AKAP6: variants seen among roughly 807,000 people sequenced by gnomAD.
The protein encoded by AKAP6 is A-kinase anchoring protein 6, also known as A-kinase anchor protein 6.
AKAP6 carries 58 observed loss-of-function variants against 188.5 expected under a neutral mutation model. The observed-to-expected ratio is 0.31, with a 90% CI of 0.25 to 0.38. The LOEUF (loss-of-function observed/expected upper bound fraction) is 0.38. Among genes scored for constraint, AKAP6 ranks in the 10% least tolerant of loss-of-function variants. The pLI, the probability that AKAP6 is intolerant of heterozygous loss-of-function variation, is 1.00. For synonymous variants in AKAP6, 989 were observed against 998.6 expected, an observed-to-expected ratio of 0.99 and a Z score of 0.18; for missense variants, 2,710 against 2,740.0, an observed-to-expected ratio of 0.99 and a Z score of 0.24.
chr14:32,453,600 TTTTTTTTTTTTTTTG>T (rs1891013828), intron 2 of AKAP6, among the ~76,000 whole-genome samples: 3 of 32,490 alleles, frequency 9.2e-5, no homozygotes, highest in South Asian at 1.0e-3. Flanking sequence ...TTTTTTTTTT[TTTTTTTTTTTTTTTG>T]AGACGGAGTC....
At chr14:32,753,780 A>T (rs905850138) in intron 11 of AKAP6, among the ~76,000 whole-genome samples, 7 of 151,900 alleles carry the variant, frequency 4.6e-5, no homozygotes, top group Non-Finnish European at 7.4e-5. Flanking sequence ...AGAGATTGTT[A>T]TTTTCCCATG....
intron 12 of AKAP6, among the ~76,000 whole-genome samples, chr14:32,808,665 C>A (rs7158720): frequency 0.21 from 31,722 of 152,162 alleles, 3,472 homozygotes; most frequent in African/African-American, 0.25. Context: ...TCCAATTTTC[C>A]AAAAGCAATT....
At chr14:32,605,209 A>T (rs1886083891) in intron 7 of AKAP6, among the ~76,000 whole-genome samples, 1 of 152,234 alleles carries the variant, frequency 6.6e-6, no homozygotes, top group Admixed American at 6.5e-5. Flanking sequence ...TGATAGAGAT[A>T]GGAACAAAGT....
intron 1 of AKAP6, among the ~76,000 whole-genome samples, chr14:32,381,340 A>T (rs1423692130): frequency 6.6e-6 from 1 of 152,118 alleles, no homozygotes; most frequent in Non-Finnish European, 1.5e-5. Context: ...ACCCCATCTC[A>T]AATAAAAAAA....
At chr14:32,395,678 G>A (rs1399331237) in intron 1 of AKAP6, among the ~76,000 whole-genome samples, 1 of 152,088 alleles carries the variant, frequency 6.6e-6, no homozygotes, top group African/African-American at 2.4e-5. Flanking sequence ...TGATGTCTAA[G>A]GATTATCTAA....
chr14:32,733,574 C>T (rs2031283558), intron 10 of AKAP6: 1 of 152,016 alleles, frequency 6.6e-6, no homozygotes, highest in African/African-American at 2.4e-5. Context: ...GGAGGAATGC[C>T]AGTATTCTGT....
At chr14:32,592,611 A>T (rs1283002683) in intron 5 of AKAP6, among the ~76,000 whole-genome samples, 2 of 152,160 alleles carry the variant, frequency 1.3e-5, no homozygotes, top group Non-Finnish European at 2.9e-5. Context: ...AGGGCCCTGT[A>T]GGTCATGCTC....
chr14:32,474,477 A>T (rs1878954317), intron 2 of AKAP6: 1 of 151,770 alleles, frequency 6.6e-6, no homozygotes, highest in African/African-American at 2.4e-5. Context: ...ACATCTGTAT[A>T]CAAGCAAGTT....
intron 2 of AKAP6, among the ~76,000 whole-genome samples, chr14:32,477,527 G>T (rs911092075): frequency 1.8e-4 from 28 of 152,264 alleles, no homozygotes; most frequent in African/African-American, 6.7e-4. Flanking sequence ...AGGCTGGCAG[G>T]TTGGAGCTCA....
At chr14:32,727,392 GT>G (rs2030925151) in intron 9 of AKAP6, among the ~76,000 whole-genome samples, 1 of 152,108 alleles carries the variant, frequency 6.6e-6, no homozygotes, top group Non-Finnish European at 1.5e-5. Flanking sequence ...AAGTTGCCAG[GT>G]CTCCTACTTA....
At chr14:32,785,726 G>C (rs77577888) in intron 12 of AKAP6, among the ~76,000 whole-genome samples, 8,921 of 145,822 alleles carry the variant, frequency 0.061, 409 homozygotes, top group Middle Eastern at 0.1. Context: ...GAAAGATCTT[G>C]TACAGGACAA....
intron 9 of AKAP6, among the ~76,000 whole-genome samples, chr14:32,729,274 CA>C (rs933279096): frequency 7.3e-5 from 11 of 149,890 alleles, no homozygotes; most frequent in Admixed American, 2.0e-4. Context: ...TGATTTCTAA[CA>C]AAAAAAAAGG....
intron 10 of AKAP6, among the ~76,000 whole-genome samples, chr14:32,735,117 G>A (rs2031354228): frequency 6.6e-6 from 1 of 152,066 alleles, no homozygotes; most frequent in African/African-American, 2.4e-5. Flanking sequence ...TCACCAAGGA[G>A]GCTTCCTTTT....
At chr14:32,588,885 TA>T in intron 5 of AKAP6, among the ~76,000 whole-genome samples, 1 of 152,352 alleles carries the variant, frequency 6.6e-6, no homozygotes, top group Middle Eastern at 3.4e-3. Flanking sequence ...GTTTGTCTCA[TA>T]AGAAAAACCA....
intron 11 of AKAP6, among the ~76,000 whole-genome samples, chr14:32,766,432 T>G (rs1240946936): frequency 6.6e-6 from 1 of 152,154 alleles, no homozygotes; most frequent in African/African-American, 2.4e-5. Flanking sequence ...GGAAATGTCA[T>G]ACTGTTTTTT....
At chr14:32,717,094 C>G (rs775268049) in intron 9 of AKAP6, among the ~76,000 whole-genome samples, 1 of 152,078 alleles carries the variant, frequency 6.6e-6, no homozygotes, top group Non-Finnish European at 1.5e-5. Context: ...TGGCAAGCCA[C>G]CAAGAGAACA....
intron 12 of AKAP6, among the ~76,000 whole-genome samples, chr14:32,812,922 G>GT (rs978004334): frequency 9.2e-5 from 14 of 152,090 alleles, no homozygotes; most frequent in Admixed American, 7.2e-4. Context: ...AATGTGTGGG[G>GT]TTTTTTTACA....
rs560379002 is a variant in AKAP6, at chr14:32,498,288, A to C, written c.325-37266A>C. On this transcript the variant is annotated intron_variant, in intron 2 of 13. Transcript: ENST00000280979. Reference sequence around the variant, plus strand: ...GGCTTCACTGGTGCATGCTGGCTGAATATCAGTCCTGAATATATAACAATT... The same window carrying C: ...GGCTTCACTGGTGCATGCTGGCTGACTATCAGTCCTGAATATATAACAATT... 3.9e-5 allele frequency among the ~76,000 whole-genome samples: 6 copies of C among 152,260 alleles called. No individual in the cohort carries two copies. The South Asian group carries it at 1.2e-3, about 32-fold the overall frequency.
At chr14:32,415,185 A>G (rs562763832) in intron 1 of AKAP6, among the ~76,000 whole-genome samples, 1 of 152,288 alleles carries the variant, frequency 6.6e-6, no homozygotes, top group East Asian at 1.9e-4. Context: ...CTTTAAGCCA[A>G]TGGATGATGT....
Sources: gnomAD v4.1 joint callset for allele counts (sites outside exome capture counted in the v4.1 genomes callset) on GRCh38, gnomAD v4.1.1 for gene constraint, MANE v1.5 for transcripts, NCBI Gene and HGNC (gene_info 2026-07-23, HGNC 2026-07-21) for gene names.